The following CFAP61 variants were observed in gnomAD, a reference collection of about 807,000 sequenced individuals.
CFAP61 encodes cilia- and flagella-associated protein 61.
In CFAP61, 107 loss-of-function variants were observed where a neutral mutation model predicts 135.6. That is an observed-to-expected ratio of 0.79 (90% CI 0.67 to 0.93). The LOEUF is 0.93. Among genes scored for constraint, CFAP61 ranks in the 40% least tolerant of loss-of-function variants. The probability of loss-of-function intolerance (pLI) is 0.00; values close to 1 mark genes in which losing one functional copy is unlikely to be tolerated. For synonymous variants in CFAP61, 575 were observed against 578.5 expected, an observed-to-expected ratio of 0.99 and a Z score of 0.09; for missense variants, 1,507 against 1,556.2, an observed-to-expected ratio of 0.97 and a Z score of 0.53.
Position 20,288,946 on chromosome 20 carries a change from T to TA in CFAP61, c.3124+11dup, listed in dbSNP as rs1177490702. ...GGAGCCAAGATTCAAGGTATACGAGTAGGCTTCCTTCTCCTTGATGAAGCC... is the reference window on the plus strand; with the variant it reads ...GGAGCCAAGATTCAAGGTATACGAGTAAGGCTTCCTTCTCCTTGATGAAGCC... On this transcript the variant is annotated intron_variant, in intron 23 of 26. Transcript: ENST00000245957. The TA allele has an allele frequency of 1.3e-6, 2 of 1,594,870 alleles. No homozygotes were observed. Among genetic ancestry groups the TA allele is most frequent in the Admixed American group, 3.4e-5 (2 of 59,438 alleles).
At chr20:20,200,202 A>C (rs1308121020) in intron 17 of CFAP61, among the ~76,000 whole-genome samples, 1 of 152,084 alleles carries the variant, frequency 6.6e-6, no homozygotes, top group African/African-American at 2.4e-5. Context: ...GCATATTTTC[A>C]TTTTCTTTCC....
At chr20:20,207,775 A>G (rs1192535568) in intron 17 of CFAP61, among the ~76,000 whole-genome samples, 3 of 152,226 alleles carry the variant, frequency 2.0e-5, no homozygotes, top group African/African-American at 4.8e-5. Flanking sequence ...GGAAAAAACA[A>G]TAGAGAAAAT....
chr20:20,196,634 G>A lies in CFAP61; in HGVS notation c.1655G>A (p.Arg552His), dbSNP rs770238633. ...TTCATCTACTTCAGTCACCACCAGC[G>A]CGAAGAACACGGGCACATGCATCAC... Reference protein sequence around the residue: ...EDFIYFSHHQREEHGHMHHFA... With the variant: ...EDFIYFSHHQHEEHGHMHHFA... The change falls in exon 16 of 27, where the codon CGC (arginine) becomes CAC (histidine). Residue 552 changes from arginine to histidine, a missense_variant. Arg to His is a conservative substitution (Grantham distance 29). Transcript: ENST00000245957. The A allele has an allele frequency of 6.2e-6, 10 of 1,613,972 alleles. No homozygotes were observed. Among genetic ancestry groups the A allele is most frequent in the Admixed American group, 1.7e-5 (1 of 59,988 alleles).
intron 6 of CFAP61, among the ~76,000 whole-genome samples, chr20:20,090,063 A>T (rs886116739): frequency 1.1e-4 from 17 of 152,200 alleles, no homozygotes; most frequent in African/African-American, 3.9e-4. Context: ...GGCTGAGAGG[A>T]TGCTCGGGAC....
intron 17 of CFAP61, among the ~76,000 whole-genome samples, chr20:20,227,598 A>G (rs2146945915): frequency 6.6e-6 from 1 of 152,338 alleles, no homozygotes; most frequent in Non-Finnish European, 1.5e-5. Flanking sequence ...GTAAACATGG[A>G]CATTAACATG....
intron 8 of CFAP61, among the ~76,000 whole-genome samples, chr20:20,133,306 T>C (rs77440042): frequency 0.018 from 2,709 of 152,304 alleles, 79 homozygotes; most frequent in African/African-American, 0.062. Context: ...CTTGGCTGAG[T>C]CTACTCACAT....
At position 20,291,459 on chromosome 20, in the gene CFAP61, T is replaced by C. The variant is rs75547784; in HGVS notation, c.3216+1068T>C. On this transcript the variant is annotated intron_variant, in intron 24 of 26. Coordinates refer to ENST00000245957, the MANE Select transcript of CFAP61 (RefSeq NM_015585.4). Reference sequence around the variant, plus strand: ...GGCTTCTTTCACTTAGTAATATCCATTTAAGCTTCCTCTATATCTCTTCAT... The same window carrying C: ...GGCTTCTTTCACTTAGTAATATCCACTTAAGCTTCCTCTATATCTCTTCAT... 9.4e-3 allele frequency among the ~76,000 whole-genome samples: 1,438 copies of C among 152,380 alleles called. 13 individuals carry two copies. Among genetic ancestry groups the C allele is most frequent in the South Asian group, 0.018 (87 of 4,830 alleles).
intron 6 of CFAP61, chr20:20,085,109 C>A (rs1468268764): frequency 2.5e-5 from 25 of 985,322 alleles, no homozygotes; most frequent in Non-Finnish European, 2.9e-5. Context: ...CTGTGCTGAT[C>A]TATAAACTCC....
chr20:20,319,234 T>A (rs2057307580), intron 25 of CFAP61, among the ~76,000 whole-genome samples: 1 of 152,190 alleles, frequency 6.6e-6, no homozygotes, highest in Admixed American at 6.5e-5. Flanking sequence ...GTAAAGCAGG[T>A]CACTTAGAAA....
chr20:20,198,280 G>C lies in CFAP61; in HGVS notation c.1798-1488G>C, dbSNP rs1186590843. ...TTGCACTTGGCCAAATGCCAGTTTTGTGACCTTCAGGATGTGATATTAAAT... is the reference window on the plus strand; with the variant it reads ...TTGCACTTGGCCAAATGCCAGTTTTCTGACCTTCAGGATGTGATATTAAAT... On this transcript the variant is annotated intron_variant, in intron 16 of 26. Transcript: ENST00000245957. Among the ~76,000 whole-genome samples, 3 of 152,182 alleles carry C rather than the reference G, an allele frequency of 2.0e-5. No individual in the cohort carries two copies. In the East Asian group the frequency reaches 5.8e-4, roughly 29 times the overall value.
chr20:20,192,364 C>T lies in CFAP61; in HGVS notation c.1590+945C>T, dbSNP rs538361221. Among the ~76,000 whole-genome samples, 10 of 152,204 alleles carry T rather than the reference C, an allele frequency of 6.6e-5. No homozygotes were observed. In the South Asian group the frequency reaches 2.1e-3, roughly 32 times the overall value. On this transcript the variant is annotated intron_variant, in intron 15 of 26. Coordinates refer to ENST00000245957, the MANE Select transcript of CFAP61 (RefSeq NM_015585.4). Reference sequence around the variant, plus strand: ...TCCACCCTGTTCTGTCTCAGGGAGCCTGACTGATGGGCACAGCATTATGGG... The same window carrying T: ...TCCACCCTGTTCTGTCTCAGGGAGCTTGACTGATGGGCACAGCATTATGGG...
chr20:20,130,963 G>A (rs1220636104), intron 8 of CFAP61, among the ~76,000 whole-genome samples: 1 of 151,856 alleles, frequency 6.6e-6, no homozygotes. Flanking sequence ...CCGATCTCCT[G>A]CCAGGGAACC....
intron 25 of CFAP61, among the ~76,000 whole-genome samples, chr20:20,315,122 A>G (rs2057053384): frequency 2.0e-5 from 3 of 150,992 alleles, no homozygotes; most frequent in South Asian, 4.3e-4. Flanking sequence ...ACTGACTTCC[A>G]CAAGGATTGA....
At chr20:20,106,734 C>T (rs1015576821) in intron 8 of CFAP61, among the ~76,000 whole-genome samples, 4 of 152,152 alleles carry the variant, frequency 2.6e-5, no homozygotes, top group Non-Finnish European at 5.9e-5. Flanking sequence ...AGTACATTCA[C>T]ATGTAAATAA....
chr20:20,125,867 A>G (rs1232219561), intron 8 of CFAP61, among the ~76,000 whole-genome samples: 1 of 151,754 alleles, frequency 6.6e-6, no homozygotes, highest in Admixed American at 6.6e-5. Context: ...GCTTAGGTCT[A>G]TTAGTAATTA....
intron 10 of CFAP61, among the ~76,000 whole-genome samples, chr20:20,163,769 T>A (rs2053597021): frequency 6.6e-6 from 1 of 151,926 alleles, no homozygotes. Flanking sequence ...TCTCCCTCCC[T>A]TTCCCCCCGA....
chr20:20,106,214 G>T (rs2048398627), intron 8 of CFAP61, among the ~76,000 whole-genome samples: 1 of 151,888 alleles, frequency 6.6e-6, no homozygotes, highest in Non-Finnish European at 1.5e-5. Context: ...TAGGATACCA[G>T]GAAGACTGTA....
intron 17 of CFAP61, chr20:20,221,864 C>A (rs2048425736): frequency 6.6e-6 from 1 of 152,222 alleles, no homozygotes; most frequent in South Asian, 2.1e-4. Context: ...CAACAATAAG[C>A]ATTCATTTCA....
At chr20:20,310,536 T>C (rs1256977149) in intron 25 of CFAP61, among the ~76,000 whole-genome samples, 1 of 152,184 alleles carries the variant, frequency 6.6e-6, no homozygotes, top group Non-Finnish European at 1.5e-5. Context: ...AGCAGAATCC[T>C]CTCTAGCTGG....
Sources: gnomAD v4.1 joint callset for allele counts (sites outside exome capture counted in the v4.1 genomes callset) on GRCh38, gnomAD v4.1.1 for gene constraint, MANE v1.5 for transcripts, NCBI Gene and HGNC (gene_info 2026-07-23, HGNC 2026-07-21) for gene names.